The following ADAM23 variants were observed in gnomAD, a reference collection of about 807,000 sequenced individuals.
ADAM23 encodes the protein disintegrin and metalloproteinase domain-containing protein 23.
A neutral mutation model predicts 120.1 loss-of-function variants in ADAM23; 33 were observed. That is an observed-to-expected ratio of 0.27 (90% CI 0.21 to 0.37). The LOEUF (loss-of-function observed/expected upper bound fraction) is 0.37. Ranked by LOEUF, ADAM23 falls within the 10% of genes least tolerant of loss-of-function variation. The pLI is 1.00. For synonymous variants in ADAM23, 367 were observed against 375.2 expected (o/e 0.98, Z 0.25); for missense variants, 862 against 1,058.2 (o/e 0.81, Z 2.57).
At chr2:206,539,141 T>TA (rs1163481724) in intron 4 of ADAM23, among the ~76,000 whole-genome samples, 1 of 152,158 alleles carries the variant, frequency 6.6e-6, no homozygotes, top group African/African-American at 2.4e-5. Flanking sequence ...TTGAGCATGA[T>TA]ATGGCTTGTG....
chr2:206,515,327 A>G (rs974943049), intron 3 of ADAM23, among the ~76,000 whole-genome samples: 1 of 152,170 alleles, frequency 6.6e-6, no homozygotes, highest in African/African-American at 2.4e-5. Flanking sequence ...TAAAAATTAA[A>G]TATAAGTTTG....
chr2:206,451,373 A>G (rs1170244057), intron 2 of ADAM23, among the ~76,000 whole-genome samples: 2 of 152,122 alleles, frequency 1.3e-5, no homozygotes, highest in Admixed American at 6.5e-5. Context: ...CCATGTAGCT[A>G]GGACTACAGG....
At chr2:206,583,003 C>T (rs1698248177) in intron 18 of ADAM23, among the ~76,000 whole-genome samples, 1 of 152,150 alleles carries the variant, frequency 6.6e-6, no homozygotes, top group Non-Finnish European at 1.5e-5. Flanking sequence ...TTTGTCTTAA[C>T]TCTGGATAAC....
chr2:206,576,569 A>C (rs975025344), intron 18 of ADAM23, among the ~76,000 whole-genome samples: 4 of 152,098 alleles, frequency 2.6e-5, no homozygotes, highest in Admixed American at 2.6e-4. Context: ...AAAACCCCCC[A>C]AAATTCTTCT....
chr2:206,614,213 G>T (rs1334836459), intron 25 of ADAM23, among the ~76,000 whole-genome samples: 3 of 152,202 alleles, frequency 2.0e-5, no homozygotes, highest in Non-Finnish European at 4.4e-5. Context: ...TTCTCTCTGA[G>T]AAGTTATTTG....
At chr2:206,458,183 G>C (rs1695338718) in intron 2 of ADAM23, among the ~76,000 whole-genome samples, 1 of 152,240 alleles carries the variant, frequency 6.6e-6, no homozygotes, top group Non-Finnish European at 1.5e-5. Flanking sequence ...ATCTGGAACT[G>C]GACAAGTTAC....
chr2:206,585,867 A>G (rs1698312566), intron 18 of ADAM23, among the ~76,000 whole-genome samples: 1 of 152,250 alleles, frequency 6.6e-6, no homozygotes, highest in South Asian at 2.1e-4. Flanking sequence ...CTAAAAATAA[A>G]TAAATAAATA....
At chr2:206,526,181 GACAC>G (rs1696944861) in intron 3 of ADAM23, among the ~76,000 whole-genome samples, 1 of 123,098 alleles carries the variant, frequency 8.1e-6, no homozygotes, top group Non-Finnish European at 1.7e-5. Flanking sequence ...CACACACACA[GACAC>G]ACACAGACAC....
intron 15 of ADAM23, among the ~76,000 whole-genome samples, chr2:206,568,478 A>C (rs893138035): frequency 1.3e-5 from 2 of 152,232 alleles, no homozygotes; most frequent in African/African-American, 4.8e-5. Context: ...AACTGATTAT[A>C]GGGTGTGTCC....
intron 2 of ADAM23, among the ~76,000 whole-genome samples, chr2:206,449,560 G>C (rs1397036726): frequency 6.6e-6 from 1 of 152,190 alleles, no homozygotes; most frequent in Non-Finnish European, 1.5e-5. Context: ...CTGAGGTCAG[G>C]AGTTTGAGAC....
intron 2 of ADAM23, among the ~76,000 whole-genome samples, chr2:206,477,901 T>TATATATATACAC (rs1553548686): frequency 8.2e-6 from 1 of 122,264 alleles, no homozygotes; most frequent in African/African-American, 3.4e-5. Context: ...AAAAAAAATA[T>TATATATATACAC]ATATATATAT....
chr2:206,480,926 A>G (rs1695883037), intron 2 of ADAM23, among the ~76,000 whole-genome samples: 1 of 152,200 alleles, frequency 6.6e-6, no homozygotes, highest in Admixed American at 6.5e-5. Context: ...AATTAGTCAG[A>G]CTTTTGCATA....
At chr2:206,461,554 T>G (rs1695420422) in intron 2 of ADAM23, among the ~76,000 whole-genome samples, 1 of 152,170 alleles carries the variant, frequency 6.6e-6, no homozygotes, top group Non-Finnish European at 1.5e-5. Context: ...AATCTCAAAC[T>G]TTAGTGTGAG....
At chr2:206,520,993 C>T (rs776928394) in intron 3 of ADAM23, among the ~76,000 whole-genome samples, 3 of 151,888 alleles carry the variant, frequency 2.0e-5, no homozygotes, top group Non-Finnish European at 4.4e-5. Context: ...CACAGTGGTC[C>T]CTGTCTATAG....
At position 206,619,547 on chromosome 2, in the gene ADAM23, T is replaced by G. The variant is rs931553116; in HGVS notation, c.*1920T>G. 2.6e-5 allele frequency: 4 copies of G among 151,832 alleles called. No individual in the cohort carries two copies. The highest frequency in any genetic ancestry group is 6.6e-5 in the Admixed American group (1 of 15,232). The allele number at this position is 151,832 out of a possible 1,614,324, so 9.4% of individuals were successfully genotyped here. On this transcript the variant is annotated 3_prime_UTR_variant, in exon 26 of 26. Coordinates refer to ENST00000264377, the MANE Select transcript of ADAM23 (RefSeq NM_003812.4). ...TTTTTTTAGGAAAAGAACATGCAGT[T>G]TTACTCATCACTTCTTCATGACACC...
At chr2:206,460,409 A>T (rs1051262262) in intron 2 of ADAM23, among the ~76,000 whole-genome samples, 2 of 152,162 alleles carry the variant, frequency 1.3e-5, no homozygotes, top group East Asian at 1.9e-4. Flanking sequence ...TTTATTTTTT[A>T]AAAAATATTA....
chr2:206,472,615 G>GAAA (rs11389922), intron 2 of ADAM23, among the ~76,000 whole-genome samples: 4 of 142,656 alleles, frequency 2.8e-5, no homozygotes, highest in African/African-American at 1.0e-4. Context: ...CATCTCAGGG[G>GAAA]AAAAAAAAAA....
intron 25 of ADAM23, 66 bp from the exon 26 acceptor site, chr2:206,617,513 C>T (rs1003400189): frequency 4.0e-6 from 6 of 1,505,086 alleles, no homozygotes; most frequent in Non-Finnish European, 5.4e-6. Flanking sequence ...ATTCTGTCAT[C>T]ATCATCTGAT....
At chr2:206,517,475 C>A (rs1218508518) in intron 3 of ADAM23, among the ~76,000 whole-genome samples, 1 of 152,112 alleles carries the variant, frequency 6.6e-6, no homozygotes, top group Non-Finnish European at 1.5e-5. Flanking sequence ...TGTTAGAATG[C>A]CTACTCTGTG....
Sources: gnomAD v4.1 joint callset for allele counts (sites outside exome capture counted in the v4.1 genomes callset) on GRCh38, gnomAD v4.1.1 for gene constraint, MANE v1.5 for transcripts, NCBI Gene and HGNC (gene_info 2026-07-23, HGNC 2026-07-21) for gene names.